Variants in ZNF99 observed in about 807,000 individuals in gnomAD.
ZNF99 encodes the protein zinc finger protein ENSP00000375192.
In ZNF99, 8 loss-of-function variants were observed where a neutral mutation model predicts 12.8. The observed-to-expected ratio is 0.62, with a 90% CI of 0.37 to 1.13. ZNF99 has a LOEUF of 1.13. ZNF99 is among the 50% of genes most tolerant of loss of function. The pLI is 0.02. For missense variants in ZNF99, 1,007 were observed against 1,006.2 expected, an observed-to-expected ratio of 1.00 and a Z score of -0.01; for synonymous variants, 318 against 319.0, an observed-to-expected ratio of 1.00 and a Z score of 0.03.
Position 22,769,325 on chromosome 19 carries a change from C to A in ZNF99, c.4-1G>T. The A allele has an allele frequency of 6.2e-7, 1 of 1,602,092 alleles. No individual in the cohort carries two copies. The highest frequency in any genetic ancestry group is 1.7e-5 in the Admixed American group (1 of 57,652). On this transcript the variant is annotated splice_acceptor_variant, in intron 1 of 3. Transcript: ENST00000596209. LOFTEE classifies it high-confidence loss of function. ...TCACATCCCAAAATGTCAACGATCC[C>A]TGAAAAACACAACAAAGATACATAT... is the stretch of plus-strand genomic sequence containing the variant.
chr19:22,767,397 C>G (rs944200447), intron 3 of ZNF99, among the ~76,000 whole-genome samples: 5 of 152,056 alleles, frequency 3.3e-5, no homozygotes, highest in Non-Finnish European at 1.5e-5. Context: ...GTCAAATAGT[C>G]TGTAAGTAAC....
chr19:22,779,661 C>T (rs1025196857), intron 1 of ZNF99, among the ~76,000 whole-genome samples: 4 of 152,194 alleles, frequency 2.6e-5, no homozygotes, highest in African/African-American at 9.7e-5. Context: ...TCTGAGTCAA[C>T]ATACAACCTT....
At chr19:22,777,752 A>C (rs1973345506) in intron 1 of ZNF99, among the ~76,000 whole-genome samples, 1 of 151,980 alleles carries the variant, frequency 6.6e-6, no homozygotes, top group Non-Finnish European at 1.5e-5. Flanking sequence ...ATGCCAGGAG[A>C]CTTGTAGACA....
Position 22,755,700 on chromosome 19 carries a change from G to A in ZNF99, c.*1614C>T. ...AAAGCTTTGCCCATTCTTCATATTT[G>A]CAGTGTTTGTCTCTACTATGAATTA... is the stretch of plus-strand genomic sequence containing the variant. On this transcript the variant is annotated 3_prime_UTR_variant, in exon 4 of 4. Transcript: ENST00000596209. 3 of 285,748 alleles carry A rather than the reference G, an allele frequency of 1.0e-5. No individual in the cohort carries two copies. Among genetic ancestry groups the A allele is most frequent in the Admixed American group, 4.5e-5 (1 of 22,414 alleles). 17.7% of individuals were successfully genotyped at this position (285,748 alleles called of 1,614,324 possible). A position where few individuals can be genotyped will look rare whatever the true frequency, so the allele number is the denominator to read the frequency against.
In ZNF99 at chr19:22,753,378, CAG is replaced by C. The variant is rs1159326823; in HGVS notation, c.*3934_*3935del. 6.6e-6 allele frequency: 1 copy of C among 152,006 alleles called. No individual in the cohort carries two copies. The highest frequency in any genetic ancestry group is 1.5e-5 in the Non-Finnish European group (1 of 67,960). The allele number at this position is 152,006 out of a possible 1,614,324, so 9.4% of individuals were successfully genotyped here. A position where few individuals can be genotyped will look rare whatever the true frequency, so the allele number is the denominator to read the frequency against. ...TCTACTGTGAATTCTCTGACATTTA[CAG>C]AGTTAATTTTGGATTGAATATTTTT... On this transcript the variant is annotated 3_prime_UTR_variant, in exon 4 of 4. Transcript: ENST00000596209.
In ZNF99 at chr19:22,753,153, T is replaced by C. The variant is rs911367566; in HGVS notation, c.*4161A>G. On this transcript the variant is annotated 3_prime_UTR_variant, in exon 4 of 4. Coordinates refer to ENST00000596209, the MANE Select transcript of ZNF99 (RefSeq NM_001080409.3). Reference sequence around the variant, plus strand: ...ATTTGCTTTTCAGAGTCTGTAATTTTTTTCAATATTGTGATGTTAATTTTT... The same window carrying C: ...ATTTGCTTTTCAGAGTCTGTAATTTCTTTCAATATTGTGATGTTAATTTTT... The C allele has an allele frequency of 6.6e-6, 1 of 152,104 alleles. No individual in the cohort carries two copies. Among genetic ancestry groups the C allele is most frequent in the South Asian group, 2.1e-4 (1 of 4,836 alleles). 9.4% of individuals were successfully genotyped at this position (152,104 alleles called of 1,614,324 possible).
chr19:22,777,365 C>G (rs1973341310), intron 1 of ZNF99, among the ~76,000 whole-genome samples: 2 of 151,988 alleles, frequency 1.3e-5, no homozygotes, highest in Non-Finnish European at 2.9e-5. Context: ...AAGAGGGGAA[C>G]AACACACACC....
rs529637559 is a variant in ZNF99, at chr19:22,757,819, A to G, written c.2090T>C (p.Ile697Thr). The G allele has an allele frequency of 1.2e-6, 2 of 1,612,592 alleles. No individual in the cohort carries two copies. Among genetic ancestry groups the G allele is most frequent in the South Asian group, 1.1e-5 (1 of 91,024 alleles). The change falls in exon 4 of 4, where the codon ATA becomes ACA. Residue 697 changes from isoleucine to threonine, a missense_variant. Transcript: ENST00000596209. The stretch of plus-strand genomic sequence containing the variant: ...GTAGGGTTTCTTTCCAGTATGAATT[A>G]TCTTATGTTTCCTAAGGGCTGAGAA... The part of the protein sequence containing the change: ...NHFSALRKHK[I>T]IHTGKKPYKC...
In ZNF99 at chr19:22,784,103, A is replaced by C. The variant is rs1430520157; in HGVS notation, c.-87T>G. On this transcript the variant is annotated 5_prime_UTR_variant, in exon 1 of 4. Coordinates refer to ENST00000596209, the MANE Select transcript of ZNF99 (RefSeq NM_001080409.3). ...AGGGCCACAGAGGCTAAGGACACAG[A>C]GCAGTAAAAACGAGATCCGGAGCTC... is the stretch of plus-strand genomic sequence containing the variant. 6.6e-7 allele frequency: 1 copy of C among 1,504,782 alleles called. No homozygotes were observed. The highest frequency in any genetic ancestry group is 9.1e-7 in the Non-Finnish European group (1 of 1,094,606). The allele number at this position is 1,504,782 out of a possible 1,614,324, so 93.2% of individuals were successfully genotyped here.
chr19:22,764,660 A>C (rs1973185985), intron 3 of ZNF99, among the ~76,000 whole-genome samples: 1 of 152,144 alleles, frequency 6.6e-6, no homozygotes, highest in Non-Finnish European at 1.5e-5. Context: ...ATCCCATCAA[A>C]ACTGAGCTAA....
Position 22,783,581 on chromosome 19 carries a change from A to C in ZNF99, c.3+433T>G, listed in dbSNP as rs141380862. ...TCTGCCATTTTTGAATCACTCTTTG[A>C]TTAAATCCTTTATTACTTTAGTGAT... On this transcript the variant is annotated intron_variant, in intron 1 of 3. Coordinates refer to ENST00000596209, the MANE Select transcript of ZNF99 (RefSeq NM_001080409.3). Among the ~76,000 whole-genome samples the C allele has an allele frequency of 5.1e-3, 772 of 152,290 alleles. 2 individuals are homozygous for C. The highest frequency in any genetic ancestry group is 8.1e-3 in the Non-Finnish European group (550 of 68,024).
Position 22,754,047 on chromosome 19 carries a change from A to G in ZNF99, c.*3267T>C, listed in dbSNP as rs1175792327. On this transcript the variant is annotated 3_prime_UTR_variant, in exon 4 of 4. Transcript: ENST00000596209. ...TAGAGCTTCTCTCCAGTATGATTTG[A>G]TAACTTATTAAAAACTTTGCCACAT... 4 of 455,988 alleles carry G rather than the reference A, an allele frequency of 8.8e-6. No individual in the cohort carries two copies. Among genetic ancestry groups the G allele is most frequent in the South Asian group, 6.2e-5 (4 of 64,548 alleles). 28.2% of individuals were successfully genotyped at this position (455,988 alleles called of 1,614,324 possible).
At chr19:22,782,138 A>T (rs1973394333) in intron 1 of ZNF99, among the ~76,000 whole-genome samples, 1 of 152,198 alleles carries the variant, frequency 6.6e-6, no homozygotes, top group Non-Finnish European at 1.5e-5. Flanking sequence ...TGTGAATCAG[A>T]GAGGGAAAAT....
chr19:22,783,910 C>T (rs2145164943), intron 1 of ZNF99, 104 bp downstream of exon 1: 2 of 1,443,544 alleles, frequency 1.4e-6, no homozygotes, highest in East Asian at 2.3e-5. Flanking sequence ...GGGGCGCAGA[C>T]TGTGGAGCTC....
chr19:22,753,673 T>C lies in ZNF99; in HGVS notation c.*3641A>G, dbSNP rs569791699. ...CTTCACCATTCTAAGGTTTATATTTTCTAAAAGATATTCTCACAGTAATTG... is the reference window on the plus strand; with the variant it reads ...CTTCACCATTCTAAGGTTTATATTTCCTAAAAGATATTCTCACAGTAATTG... On this transcript the variant is annotated 3_prime_UTR_variant, in exon 4 of 4. Coordinates refer to ENST00000596209, the MANE Select transcript of ZNF99 (RefSeq NM_001080409.3). The C allele has an allele frequency of 2.4e-4, 38 of 156,642 alleles. No individual in the cohort carries two copies. Among genetic ancestry groups the C allele is most frequent in the Non-Finnish European group, 3.7e-4 (26 of 70,710 alleles). 9.7% of individuals were successfully genotyped at this position (156,642 alleles called of 1,614,324 possible). A position where few individuals can be genotyped will look rare whatever the true frequency, so the allele number is the denominator to read the frequency against.
chr19:22,774,859 G>A (rs568487374), intron 1 of ZNF99, among the ~76,000 whole-genome samples: 3 of 152,020 alleles, frequency 2.0e-5, no homozygotes, highest in East Asian at 3.9e-4. Context: ...GACAGAGCGA[G>A]GATCTGACTC....
chr19:22,759,897 T>C (rs1973131790), intron 3 of ZNF99, among the ~76,000 whole-genome samples: 1 of 152,010 alleles, frequency 6.6e-6, no homozygotes. Context: ...GTGTGTAGAG[T>C]GCCCCAAGTA....
Position 22,759,481 on chromosome 19 carries a change from T to A in ZNF99, c.428A>T (p.Lys143Ile). ...LNQCWTTTQG[K>I]IFQCNKYVKV... ...CACATATTTGTTACACTGAAATATT[T>A]TTCCCTGGGTAGTTGTCCAACATTG... Residue 143 changes from lysine (K) to isoleucine (I), a missense_variant, in exon 4 of 4, where the codon AAA becomes ATA. By Grantham distance (102) the Lys-to-Ile change is moderately radical. Coordinates refer to ENST00000596209, the MANE Select transcript of ZNF99 (RefSeq NM_001080409.3). 4 of 1,606,366 alleles carry A rather than the reference T, an allele frequency of 2.5e-6. No individual in the cohort carries two copies. Among genetic ancestry groups the A allele is most frequent in the Non-Finnish European group, 3.4e-6 (4 of 1,177,294 alleles).
chr19:22,754,378 A>C lies in ZNF99; in HGVS notation c.*2936T>G. The C allele has an allele frequency of 2.4e-6, 1 of 422,024 alleles. No individual in the cohort carries two copies. Among genetic ancestry groups the C allele is most frequent in the Non-Finnish European group, 4.6e-6 (1 of 216,178 alleles). 26.1% of individuals were successfully genotyped at this position (422,024 alleles called of 1,614,324 possible). ...TGAGACTCCATTTCAAAAAAAAAAA[A>C]AAAACTTTGCCACATTCTTCACATT... On this transcript the variant is annotated 3_prime_UTR_variant, in exon 4 of 4. Coordinates refer to ENST00000596209, the MANE Select transcript of ZNF99 (RefSeq NM_001080409.3).
Sources: allele counts gnomAD v4.1 joint callset (sites outside exome capture counted in the v4.1 genomes callset), GRCh38; gene constraint gnomAD v4.1.1; transcripts MANE v1.5; gene names NCBI Gene and HGNC (gene_info 2026-07-23, HGNC 2026-07-21).